EPHA5: variants seen among roughly 807,000 people sequenced by gnomAD.
EPHA5 encodes EPH receptor A5.
A neutral mutation model predicts 105.0 loss-of-function variants in EPHA5; 60 were observed. The ratio of observed to expected loss-of-function variants is 0.57; its 90% CI spans 0.46 to 0.71. The LOEUF is 0.71. EPHA5 is among the 30% of genes least tolerant of loss of function. The pLI is 0.00. For missense variants in EPHA5, 1,218 were observed against 1,274.7 expected (o/e 0.96, Z 0.68); for synonymous variants, 513 against 449.1 (o/e 1.14, Z -1.80).
chr4:65,325,866 T>G (rs537015473), intron 16 of EPHA5, among the ~76,000 whole-genome samples: 1 of 151,220 alleles, frequency 6.6e-6, no homozygotes. Flanking sequence ...CGTAGAATAT[T>G]CGGCTGCATC....
intron 5 of EPHA5, among the ~76,000 whole-genome samples, chr4:65,464,904 T>C (rs562801659): frequency 1.3e-5 from 2 of 152,244 alleles, no homozygotes; most frequent in African/African-American, 4.8e-5. Flanking sequence ...ACCTATTATA[T>C]GTTAAAACAG....
At chr4:65,647,998 CT>C (rs1372136772) in intron 1 of EPHA5, among the ~76,000 whole-genome samples, 1 of 152,102 alleles carries the variant, frequency 6.6e-6, no homozygotes, top group Non-Finnish European at 1.5e-5. Flanking sequence ...TCAAAATAGT[CT>C]TTAGTATGCT....
intron 16 of EPHA5, chr4:65,330,415 C>G (rs1006393657): frequency 6.2e-6 from 1 of 160,940 alleles, no homozygotes; most frequent in African/African-American, 2.4e-5. Context: ...ATTTTGGGAC[C>G]CCAAAGATAT....
At chr4:65,621,221 T>C (rs941801283) in intron 2 of EPHA5, among the ~76,000 whole-genome samples, 5 of 152,166 alleles carry the variant, frequency 3.3e-5, no homozygotes, top group South Asian at 2.1e-4. Flanking sequence ...GCATCACTTG[T>C]TTACACAAAT....
chr4:65,493,012 C>T (rs1193241714), intron 4 of EPHA5, among the ~76,000 whole-genome samples: 2 of 150,396 alleles, frequency 1.3e-5, no homozygotes, highest in African/African-American at 2.4e-5. Flanking sequence ...TTTCTGCCAA[C>T]TGAAAAATCC....
chr4:65,602,466 G>A (rs948126068), intron 2 of EPHA5, among the ~76,000 whole-genome samples, 162 bp from the exon 3 acceptor site: 1 of 152,130 alleles, frequency 6.6e-6, no homozygotes, highest in African/African-American at 2.4e-5. Flanking sequence ...ATTGGGAGAA[G>A]AGAATCACAA....
rs2149572719 is a variant in EPHA5 at position 65,669,772 on chromosome 4, C to T, written c.-30G>A. The stretch of plus-strand genomic sequence containing the variant: ...TCCGAGCCTCCTCCGGTGCCGCTGT[C>T]CCGAGCGGCTCAGTCCACCGCTTCG... On this transcript the variant is annotated 5_prime_UTR_variant, in exon 1 of 17. Transcript: ENST00000613740. 8.0e-7 allele frequency: 1 copy of T among 1,248,680 alleles called. No homozygotes were observed. 77.4% of individuals were successfully genotyped at this position (1,248,680 alleles called of 1,614,324 possible).
At chr4:65,342,243 A>C (rs1402357939) in intron 14 of EPHA5, among the ~76,000 whole-genome samples, 2 of 151,998 alleles carry the variant, frequency 1.3e-5, no homozygotes, top group East Asian at 3.9e-4. Context: ...CATTTTTTTC[A>C]AAAGCATAAG....
At position 65,629,801 on chromosome 4, in the gene EPHA5, C is replaced by A. The variant is rs141369975; in HGVS notation, c.246+13562G>T. Among the ~76,000 whole-genome samples the A allele has an allele frequency of 1.2e-3, 183 of 152,198 alleles. 2 individuals are homozygous for A. Among genetic ancestry groups the A allele is most frequent in the African/African-American group, 4.2e-3 (173 of 41,528 alleles). On this transcript the variant is annotated intron_variant, in intron 2 of 16. Coordinates refer to ENST00000613740, the MANE Select transcript of EPHA5 (RefSeq NM_001281766.3). ...ATTCCATCCTCTTCCCCCTACCCAG[C>A]TAGAGCTGTTTGCATCAGTGATGCA...
At chr4:65,351,304 A>G in intron 13 of EPHA5, 85 bp downstream of exon 13, 1 of 1,216,568 alleles carries the variant, frequency 8.2e-7, no homozygotes, top group Non-Finnish European at 1.2e-6. Context: ...TGTTGCAGGA[A>G]TGCTCTTTTA....
chr4:65,578,447 A>T (rs772242478), intron 3 of EPHA5, among the ~76,000 whole-genome samples: 6 of 152,146 alleles, frequency 3.9e-5, no homozygotes, highest in Non-Finnish European at 8.8e-5. Flanking sequence ...TTGGGCCTGG[A>T]CCATCCCAGT....
intron 5 of EPHA5, among the ~76,000 whole-genome samples, chr4:65,431,523 A>G (rs1326837349): frequency 6.6e-6 from 1 of 151,876 alleles, no homozygotes; most frequent in Non-Finnish European, 1.5e-5. Flanking sequence ...CTCTTTCTCC[A>G]TCTCATGGAC....
At chr4:65,548,497 G>A (rs1737598188) in intron 3 of EPHA5, among the ~76,000 whole-genome samples, 1 of 151,912 alleles carries the variant, frequency 6.6e-6, no homozygotes, top group Non-Finnish European at 1.5e-5. Flanking sequence ...GGCAAAATGA[G>A]TCAGAATTAA....
At chr4:65,383,171 T>C (rs1327211156) in intron 8 of EPHA5, among the ~76,000 whole-genome samples, 1 of 150,144 alleles carries the variant, frequency 6.7e-6, no homozygotes, top group Non-Finnish European at 1.5e-5. Flanking sequence ...ATATATATCA[T>C]ATATATGGTA....
At chr4:65,438,007 C>T (rs1725645346) in intron 5 of EPHA5, among the ~76,000 whole-genome samples, 1 of 151,864 alleles carries the variant, frequency 6.6e-6, no homozygotes, top group Non-Finnish European at 1.5e-5. Flanking sequence ...CCTCTGGATT[C>T]AGAAAACAGT....
At chr4:65,410,283 T>A (rs1722792898) in intron 7 of EPHA5, among the ~76,000 whole-genome samples, 1 of 152,180 alleles carries the variant, frequency 6.6e-6, no homozygotes, top group Non-Finnish European at 1.5e-5. Context: ...CTGCAGGGAA[T>A]CATGCTAAGT....
intron 13 of EPHA5, among the ~76,000 whole-genome samples, chr4:65,349,024 T>C (rs62313037): frequency 6.0e-5 from 9 of 151,152 alleles, no homozygotes; most frequent in Non-Finnish European, 1.2e-4. Context: ...CCATGTTGGC[T>C]AGGCTGCTCT....
intron 8 of EPHA5, among the ~76,000 whole-genome samples, chr4:65,402,085 A>G (rs902614488): frequency 5.9e-5 from 9 of 152,076 alleles, no homozygotes; most frequent in Non-Finnish European, 1.2e-4. Flanking sequence ...TCATGATAGT[A>G]AGATTGTTCT....
At chr4:65,413,510 G>T (rs576385734) in intron 7 of EPHA5, among the ~76,000 whole-genome samples, 14 of 151,848 alleles carry the variant, frequency 9.2e-5, no homozygotes, top group Middle Eastern at 3.4e-3. Flanking sequence ...TTTGAAAAAA[G>T]GAAGCATGCA....
Sources: allele counts gnomAD v4.1 joint callset (sites outside exome capture counted in the v4.1 genomes callset), GRCh38; gene constraint gnomAD v4.1.1; transcripts MANE v1.5; gene names NCBI Gene and HGNC (gene_info 2026-07-23, HGNC 2026-07-21).